The following LYG2 variants were observed in gnomAD, a reference collection of about 807,000 sequenced individuals.
LYG2 encodes lysozyme g-like protein 2.
Under a neutral mutation model 22.4 loss-of-function variants are expected in LYG2, and 25 were observed. That is an observed-to-expected ratio of 1.12 (90% confidence interval 0.81 to 1.56). The LOEUF (loss-of-function observed/expected upper bound fraction) is 1.56, where lower values mean the gene tolerates loss of function less well. Ranked by LOEUF, LYG2 falls within the 40% of genes most tolerant of loss-of-function variation. The pLI, the probability that LYG2 is intolerant of heterozygous loss-of-function variation, is 0.00. For missense variants in LYG2, 266 were observed against 269.5 expected (o/e 0.99, Z 0.09); for synonymous variants, 88 against 97.0 (o/e 0.91, Z 0.55).
intron 3 of LYG2, among the ~76,000 whole-genome samples, chr2:99,247,409 G>C (rs1231086448): frequency 6.6e-6 from 1 of 151,562 alleles, no homozygotes; most frequent in East Asian, 1.9e-4. Context: ...AATTAAAACT[G>C]ACAGGTTTTT....
intron 3 of LYG2, among the ~76,000 whole-genome samples, chr2:99,249,361 A>T (rs1047165027): frequency 1.3e-5 from 2 of 151,828 alleles, no homozygotes; most frequent in Non-Finnish European, 2.9e-5. Flanking sequence ...TCGAGGCTGC[A>T]GTGAGCTTTG....
At chr2:99,254,337 T>C (rs1322876186) in intron 2 of LYG2, 52 bp from the exon 3 acceptor site, 2 of 1,449,420 alleles carry the variant, frequency 1.4e-6, no homozygotes, top group Non-Finnish European at 9.6e-7. Context: ...GAAAATTTCC[T>C]AAAGAAAAAT....
chr2:99,251,369 CATAA>C (rs1185492543), intron 3 of LYG2, among the ~76,000 whole-genome samples: 2 of 152,138 alleles, frequency 1.3e-5, no homozygotes, highest in Non-Finnish European at 2.9e-5. Flanking sequence ...ATCCTGTGAA[CATAA>C]ATAATCACAA....
At chr2:99,243,520 A>T in intron 6 of LYG2, 1 of 1,522,144 alleles carries the variant, frequency 6.6e-7, no homozygotes, top group Non-Finnish European at 8.9e-7. Context: ...ATAGATAGAT[A>T]GATAGATAGA....
At chr2:99,254,544 C>T (rs1323298239) in intron 2 of LYG2, among the ~76,000 whole-genome samples, 1 of 152,036 alleles carries the variant, frequency 6.6e-6, no homozygotes, top group Admixed American at 6.6e-5. Flanking sequence ...ACTAAATATA[C>T]ACTCCCATCC....
In LYG2 at chr2:99,245,304, T is replaced by C. The variant is rs779607463; in HGVS notation, c.339A>G (p.Gln113=). 1 of 1,611,844 alleles carries C rather than the reference T, an allele frequency of 6.2e-7. No homozygotes were observed. Residue 113 remains glutamine, a synonymous_variant, in exon 5 of 7, where the codon CAA becomes CAG. Coordinates refer to ENST00000333017, the MANE Select transcript of LYG2 (RefSeq NM_175735.4). ...SRESHGGSVL[Q]DGWDHRGLKF... is the part of the protein sequence containing the mutation. ...TAAGTCCCCTGTGGTCCCAGCCGTC[T>C]TGCAGGACAGATCCGCCATGGCTTT...
intron 6 of LYG2, 44 bp from the exon 7 acceptor site, chr2:99,242,526 A>T: frequency 7.3e-7 from 1 of 1,376,038 alleles, no homozygotes; most frequent in Middle Eastern, 1.8e-4. Flanking sequence ...TTAACTTTCA[A>T]CAGAAATAAG....
At position 99,246,791 on chromosome 2, in the gene LYG2, G is replaced by A. The variant is rs1362968968; in HGVS notation, c.73C>T (p.His25Tyr). ...GGATGTAGGTGAGGCTTCATTGAGT[G>A]ACTGAAGGGGTATGAGCCCCTGGAA... ...GTSRGSYPFSHSMKPHLHPRL... is the reference protein window; with the variant it reads ...GTSRGSYPFSYSMKPHLHPRL... The change falls in exon 4 of 7, where the codon CAC (histidine) becomes TAC (tyrosine). Residue 25 changes from histidine to tyrosine, a missense_variant. By Grantham distance (83) the His-to-Tyr change is moderately conservative. Coordinates refer to ENST00000333017, the MANE Select transcript of LYG2 (RefSeq NM_175735.4). The A allele has an allele frequency of 8.1e-6, 13 of 1,613,866 alleles. No homozygotes were observed. Among genetic ancestry groups the A allele is most frequent in the African/African-American group, 1.3e-5 (1 of 74,896 alleles).
intron 3 of LYG2, among the ~76,000 whole-genome samples, chr2:99,250,041 G>A (rs1007226168): frequency 6.6e-6 from 1 of 152,012 alleles, no homozygotes; most frequent in Admixed American, 6.6e-5. Flanking sequence ...CCTACTAGAT[G>A]TGGCCCTCTG....
At chr2:99,243,427 A>G in intron 6 of LYG2, 2 of 1,550,132 alleles carry the variant, frequency 1.3e-6, no homozygotes, top group Non-Finnish European at 1.7e-6. Context: ...AACATTGTTC[A>G]GACAATTTGG....
intron 3 of LYG2, among the ~76,000 whole-genome samples, chr2:99,250,522 C>A (rs553931069): frequency 2.8e-4 from 43 of 152,106 alleles, no homozygotes; most frequent in African/African-American, 1.0e-3. Flanking sequence ...CTACAGGCGC[C>A]TGCCATCACA....
intron 5 of LYG2, 90 bp downstream of exon 5, chr2:99,245,172 T>G: frequency 2.9e-6 from 4 of 1,398,194 alleles, no homozygotes; most frequent in Non-Finnish European, 3.8e-6. Flanking sequence ...ATTTTGGGGC[T>G]TGGAAGCACT....
At chr2:99,251,504 G>A (rs969181598) in intron 3 of LYG2, among the ~76,000 whole-genome samples, 8 of 152,190 alleles carry the variant, frequency 5.3e-5, no homozygotes, top group African/African-American at 1.9e-4. Flanking sequence ...GATTTTTAGT[G>A]TAAGATAGCA....
At chr2:99,258,539 T>C (rs1340968974), upstream of LYG2, among the ~76,000 whole-genome samples, 2 of 152,196 alleles carry the variant, frequency 1.3e-5, no homozygotes, top group African/African-American at 4.8e-5. Context: ...GTCAGGACTC[T>C]GTAGCCTGCC....
At position 99,243,944 on chromosome 2, in the gene LYG2, C is replaced by T. The variant is rs542866860; in HGVS notation, c.520+55G>A. 3.1e-6 allele frequency: 5 copies of T among 1,607,980 alleles called. No individual in the cohort carries two copies. The East Asian group carries it at 8.9e-5, about 29-fold the overall frequency. On this transcript the variant is annotated intron_variant, in intron 6 of 6. Transcript: ENST00000333017. ...CCAGGGAGTCTCGGGTCACACTGGC[C>T]TTCAGTGGTCTCATTCATTGCTCAT...
intron 6 of LYG2, 45 bp downstream of exon 6, chr2:99,243,954 C>T (rs776062755): frequency 1.2e-6 from 2 of 1,611,994 alleles, no homozygotes; most frequent in Non-Finnish European, 1.7e-6. Context: ...CTTCAGTGGT[C>T]TCATTCATTG....
Position 99,243,997 on chromosome 2 carries a change from A to C in LYG2, c.520+2T>G, listed in dbSNP as rs1481790556. 1 of 1,613,842 alleles carries C rather than the reference A, an allele frequency of 6.2e-7. No individual in the cohort carries two copies. Among genetic ancestry groups the C allele is most frequent in the Admixed American group, 1.7e-5 (1 of 60,000 alleles). On this transcript the variant is annotated splice_donor_variant, in intron 6 of 6. Coordinates refer to ENST00000333017, the MANE Select transcript of LYG2 (RefSeq NM_175735.4). LOFTEE classifies it high-confidence loss of function. ...AAACAAAGTACTCAGAATACAGCCT[A>C]CCTTTGAGGTGCTGAGCAACACTCC... is the stretch of plus-strand genomic sequence containing the variant.
At chr2:99,253,195 A>G (rs1285818165) in intron 3 of LYG2, among the ~76,000 whole-genome samples, 1 of 152,100 alleles carries the variant, frequency 6.6e-6, no homozygotes, top group Non-Finnish European at 1.5e-5. Flanking sequence ...CCACTGCTTT[A>G]AGGGAACTGG....
chr2:99,246,868 C>G, intron 3 of LYG2, 48 bp from the exon 4 acceptor site: 1 of 1,578,810 alleles, frequency 6.3e-7, no homozygotes, highest in East Asian at 2.2e-5. Flanking sequence ...GAAGATATTA[C>G]TTGGGTTGCT....
Sources: allele counts gnomAD v4.1 joint callset (sites outside exome capture counted in the v4.1 genomes callset), GRCh38; gene constraint gnomAD v4.1.1; transcripts MANE v1.5; gene names NCBI Gene and HGNC (gene_info 2026-07-23, HGNC 2026-07-21).